The following CDH7 variants were observed in gnomAD, a reference collection of about 807,000 sequenced individuals.
CDH7 encodes the protein cadherin 7.
Under a neutral mutation model 71.8 loss-of-function variants are expected in CDH7, and 25 were observed. That is an observed-to-expected ratio of 0.35 (90% CI 0.25 to 0.49). The LOEUF (loss-of-function observed/expected upper bound fraction) is 0.49, where lower values mean the gene tolerates loss of function less well. Among genes scored for constraint, CDH7 ranks in the 20% least tolerant of loss-of-function variants. CDH7 has a pLI of 0.99. For synonymous variants in CDH7, 381 were observed against 363.8 expected (o/e 1.05, Z -0.54); for missense variants, 862 against 974.6 (o/e 0.88, Z 1.54).
At position 65,889,470 on chromosome 18, in the gene CDH7, A is replaced by G. The variant is rs563081698; in HGVS notation, c.*8576A>G. On this transcript the variant is annotated 3_prime_UTR_variant, in exon 12 of 12. Coordinates refer to ENST00000397968, the MANE Select transcript of CDH7 (RefSeq NM_004361.5). Reference sequence around the variant, plus strand: ...CCCTACCTCCCATAAATCATTTTAAACCAAATATGAATTAGTAGTCAAAAA... The same window carrying G: ...CCCTACCTCCCATAAATCATTTTAAGCCAAATATGAATTAGTAGTCAAAAA... 2 of 152,290 alleles carry G rather than the reference A, an allele frequency of 1.3e-5. No individual in the cohort carries two copies. Among genetic ancestry groups the G allele is most frequent in the East Asian group, 3.9e-4 (2 of 5,170 alleles). 9.4% of individuals were successfully genotyped at this position (152,290 alleles called of 1,614,324 possible).
At chr18:65,811,705 C>T (rs927924375) in intron 3 of CDH7, among the ~76,000 whole-genome samples, 18 of 152,284 alleles carry the variant, frequency 1.2e-4, no homozygotes, top group African/African-American at 3.8e-4. Flanking sequence ...AATTCAACTT[C>T]GTACTCCCAG....
At chr18:65,807,992 C>A (rs1266216089) in intron 2 of CDH7, among the ~76,000 whole-genome samples, 4 of 152,134 alleles carry the variant, frequency 2.6e-5, no homozygotes, top group African/African-American at 9.7e-5. Context: ...GGGATGTGGG[C>A]TTTAGACCAG....
intron 2 of CDH7, among the ~76,000 whole-genome samples, chr18:65,767,089 C>CTTTTTTTTTTTTTTTTTTTTTT (rs35258266): frequency 7.1e-6 from 1 of 139,960 alleles, no homozygotes. Flanking sequence ...ATCACTCTTT[C>CTTTTTTTTTTTTTTTTTTTTTT]TTTCTTTTTT....
intron 2 of CDH7, among the ~76,000 whole-genome samples, chr18:65,776,520 A>T (rs1426403752): frequency 6.6e-6 from 1 of 152,138 alleles, no homozygotes; most frequent in Non-Finnish European, 1.5e-5. Context: ...GAGGCAAGAG[A>T]TTCTAGTGTC....
At chr18:65,849,292 T>C (rs1302514434) in intron 7 of CDH7, among the ~76,000 whole-genome samples, 2 of 152,130 alleles carry the variant, frequency 1.3e-5, no homozygotes, top group African/African-American at 2.4e-5. Context: ...AGATAATTTT[T>C]GTAGGTTAAA....
chr18:65,808,669 T>G (rs1911414283), intron 2 of CDH7, among the ~76,000 whole-genome samples: 1 of 152,112 alleles, frequency 6.6e-6, no homozygotes, highest in African/African-American at 2.4e-5. Context: ...GTGTCCATAC[T>G]TTCCTTGGTG....
chr18:65,836,528 G>C (rs1223367494), intron 6 of CDH7, among the ~76,000 whole-genome samples: 4 of 151,722 alleles, frequency 2.6e-5, no homozygotes, highest in Non-Finnish European at 1.5e-5. Flanking sequence ...TATAATTTAT[G>C]GTTTTAGACT....
rs1337620077 is a variant in CDH7 at position 65,858,979 on chromosome 18, A to G, written c.1427A>G (p.Asn476Ser). 6.2e-6 allele frequency: 10 copies of G among 1,612,784 alleles called. No homozygotes were observed. The highest frequency in any genetic ancestry group is 1.3e-5 in the African/African-American group (1 of 74,990). Residue 476 changes from asparagine (N) to serine (S), a missense_variant, in exon 9 of 12, where the codon AAT (asparagine) becomes AGT (serine). Asn to Ser is a conservative substitution (Grantham distance 46). Coordinates refer to ENST00000397968, the MANE Select transcript of CDH7 (RefSeq NM_004361.5). ...GTGGCCATCACTATACTTGACATCA[A>G]TGATAACGCCCCTGAATTTGCCATG... ...GYVAITILDI[N>S]DNAPEFAMDY...
intron 6 of CDH7, among the ~76,000 whole-genome samples, chr18:65,838,570 T>C (rs2143976671): frequency 6.6e-6 from 1 of 152,282 alleles, no homozygotes; most frequent in African/African-American, 2.4e-5. Flanking sequence ...TTAGAAGAAT[T>C]TAACTTGGAT....
intron 2 of CDH7, among the ~76,000 whole-genome samples, chr18:65,765,712 C>T (rs1916339923): frequency 6.6e-6 from 1 of 152,006 alleles, no homozygotes; most frequent in African/African-American, 2.4e-5. Flanking sequence ...TAAGTGATGA[C>T]TTTGATACAT....
chr18:65,841,791 A>G (rs924675818), intron 6 of CDH7, among the ~76,000 whole-genome samples: 7 of 152,090 alleles, frequency 4.6e-5, no homozygotes, highest in Non-Finnish European at 1.0e-4. Context: ...ATCAGAATCC[A>G]TTGGAAGGGG....
intron 11 of CDH7, among the ~76,000 whole-genome samples, chr18:65,871,686 A>G (rs1038092484): frequency 6.6e-6 from 1 of 152,202 alleles, no homozygotes; most frequent in African/African-American, 2.4e-5. Context: ...CGTTAATGAG[A>G]TTAAACTTAG....
intron 1 of CDH7, among the ~76,000 whole-genome samples, chr18:65,754,141 T>C (rs1334811506): frequency 6.6e-6 from 1 of 152,246 alleles, no homozygotes; most frequent in Non-Finnish European, 1.5e-5. Context: ...ACTTTTTAAT[T>C]TACGAATGTT....
chr18:65,751,413 T>C (rs1451293949), intron 1 of CDH7, among the ~76,000 whole-genome samples: 2 of 152,006 alleles, frequency 1.3e-5, no homozygotes, highest in East Asian at 3.9e-4. Context: ...CGAGGAGTAG[T>C]AGTTGAGGGT....
intron 2 of CDH7, among the ~76,000 whole-genome samples, chr18:65,777,986 G>T (rs1048623450): frequency 6.6e-6 from 1 of 152,064 alleles, no homozygotes; most frequent in South Asian, 2.1e-4. Flanking sequence ...TTTAGAACTA[G>T]TGCCAGCCGG....
chr18:65,772,180 G>A (rs984189580), intron 2 of CDH7, among the ~76,000 whole-genome samples: 2 of 152,158 alleles, frequency 1.3e-5, no homozygotes, highest in African/African-American at 4.8e-5. Flanking sequence ...GATTTGTGAT[G>A]ATCACCAGTG....
intron 4 of CDH7, among the ~76,000 whole-genome samples, chr18:65,819,514 T>A (rs142125605): frequency 2.0e-3 from 312 of 152,272 alleles, no homozygotes; most frequent in African/African-American, 6.3e-3. Flanking sequence ...TATATATTAT[T>A]AAGTCCATAG....
chr18:65,778,461 T>A (rs1910041672), intron 2 of CDH7, among the ~76,000 whole-genome samples: 1 of 146,864 alleles, frequency 6.8e-6, no homozygotes, highest in Non-Finnish European at 1.5e-5. Flanking sequence ...TCTCCTCTTC[T>A]GCAATCAGCA....
At chr18:65,818,037 A>C (rs1325220405) in intron 4 of CDH7, among the ~76,000 whole-genome samples, 1 of 151,982 alleles carries the variant, frequency 6.6e-6, no homozygotes, top group Admixed American at 6.5e-5. Flanking sequence ...ATCTGTATTC[A>C]TCTCTAAAAT....
Sources: allele counts gnomAD v4.1 joint callset (sites outside exome capture counted in the v4.1 genomes callset), GRCh38; gene constraint gnomAD v4.1.1; transcripts MANE v1.5; gene names NCBI Gene and HGNC (gene_info 2026-07-23, HGNC 2026-07-21).